The following RUNX1 variants were observed in gnomAD, a reference collection of about 807,000 sequenced individuals.
The protein encoded by RUNX1 is RUNX family transcription factor 1, also known as runt-related transcription factor 1.
Under a neutral mutation model 42.8 loss-of-function variants are expected in RUNX1, and 19 were observed. The ratio of observed to expected loss-of-function variants is 0.44; its 90% CI spans 0.31 to 0.65. The LOEUF (loss-of-function observed/expected upper bound fraction) is 0.65. Ranked by LOEUF, RUNX1 falls within the 30% of genes least tolerant of loss-of-function variation. RUNX1 has a pLI of 0.07. For synonymous variants in RUNX1, 271 were observed against 289.4 expected, an observed-to-expected ratio of 0.94 and a Z score of 0.64; for missense variants, 528 against 672.0, an observed-to-expected ratio of 0.79 and a Z score of 2.37.
At chr21:34,826,404 T>G (rs1040575589) in intron 7 of RUNX1, among the ~76,000 whole-genome samples, 4 of 151,638 alleles carry the variant, frequency 2.6e-5, no homozygotes, top group Non-Finnish European at 4.4e-5. Context: ...CAGAACCATA[T>G]GAAATAAATT....
intron 6 of RUNX1, among the ~76,000 whole-genome samples, chr21:34,835,096 G>A (rs1601417180): frequency 6.6e-6 from 1 of 152,038 alleles, no homozygotes; most frequent in Admixed American, 6.5e-5. Context: ...TAGTGGTAGG[G>A]CCCCTTCCAA....
chr21:35,033,128 C>T (rs915801414), intron 2 of RUNX1, among the ~76,000 whole-genome samples: 1 of 152,104 alleles, frequency 6.6e-6, no homozygotes, highest in Non-Finnish European at 1.5e-5. Context: ...CTGGCTCATT[C>T]ATTCATTCAT....
chr21:34,937,992 G>A (rs932569227), intron 2 of RUNX1, among the ~76,000 whole-genome samples: 2 of 152,076 alleles, frequency 1.3e-5, no homozygotes, highest in African/African-American at 2.4e-5. Context: ...TTCATTGAGG[G>A]CTTCGATAAT....
intron 2 of RUNX1, among the ~76,000 whole-genome samples, chr21:34,989,606 G>C (rs1766096018): frequency 6.6e-6 from 1 of 152,066 alleles, no homozygotes; most frequent in Admixed American, 6.6e-5. Context: ...GGGAAGCTCT[G>C]AGGATGATTC....
chr21:34,805,967 T>C (rs2056673322), intron 7 of RUNX1, among the ~76,000 whole-genome samples: 1 of 152,116 alleles, frequency 6.6e-6, no homozygotes, highest in African/African-American at 2.4e-5. Context: ...GGGCAGTAAC[T>C]AAAAACATTT....
rs535532916 is a variant in RUNX1 at position 34,792,091 on chromosome 21, G to C, written c.*44C>G. ...ACAGGAGGCCCGCGCGCCCGGAGGC[G>C]AAGGCGGCGGCCCGCGGGGCCCAGC... On this transcript the variant is annotated 3_prime_UTR_variant, in exon 9 of 9. Coordinates refer to ENST00000675419, the MANE Select transcript of RUNX1 (RefSeq NM_001754.5). This position sits in a 1 kb window ranked among gnomAD's most constrained non-coding sequence, Gnocchi z 6.9. 0.012 allele frequency: 14,982 copies of C among 1,255,064 alleles called. 114 individuals carry two copies. Among genetic ancestry groups the C allele is most frequent in the Non-Finnish European group, 0.013 (13,079 of 982,036 alleles). The allele number at this position is 1,255,064 out of a possible 1,614,324, so 77.7% of individuals were successfully genotyped here. A position where few individuals can be genotyped will look rare whatever the true frequency, so the allele number is the denominator to read the frequency against.
intron 2 of RUNX1, among the ~76,000 whole-genome samples, chr21:34,899,549 T>C (rs2058160719): frequency 6.6e-6 from 1 of 152,204 alleles, no homozygotes; most frequent in Non-Finnish European, 1.5e-5. Context: ...TATTTTGTTA[T>C]AGCAGCCTGA....
At chr21:34,952,987 C>T (rs2058619589) in intron 2 of RUNX1, among the ~76,000 whole-genome samples, 2 of 152,224 alleles carry the variant, frequency 1.3e-5, no homozygotes, top group African/African-American at 4.8e-5. Context: ...TGCCATCACC[C>T]AGCTGCCCTT....
intron 6 of RUNX1, among the ~76,000 whole-genome samples, chr21:34,836,468 T>C (rs1224188466): frequency 6.6e-6 from 1 of 152,230 alleles, no homozygotes; most frequent in Non-Finnish European, 1.5e-5. Flanking sequence ...ATCTCTGCCA[T>C]AGATCCTTGG....
chr21:34,878,806 A>AT (rs538923429), intron 5 of RUNX1, among the ~76,000 whole-genome samples: 30 of 152,180 alleles, frequency 2.0e-4, no homozygotes, highest in Admixed American at 1.7e-3. Flanking sequence ...TCAAAATCTC[A>AT]TTTTTTTATT....
chr21:34,929,626 C>T lies in RUNX1; in HGVS notation c.59-36663G>A, dbSNP rs115638477. 7.9e-3 allele frequency among the ~76,000 whole-genome samples: 1,197 copies of T among 152,092 alleles called. 8 individuals carry two copies. Among genetic ancestry groups the T allele is most frequent in the African/African-American group, 0.02 (826 of 41,472 alleles). ...ACTGGCACTGGTTTTGAATAAAATA[C>T]CAGTGAGGAAAATTTTTAAAATACT... On this transcript the variant is annotated intron_variant, in intron 2 of 8. Coordinates refer to ENST00000675419, the MANE Select transcript of RUNX1 (RefSeq NM_001754.5).
chr21:34,862,576 C>A (rs1038540837), intron 5 of RUNX1, among the ~76,000 whole-genome samples: 3 of 152,156 alleles, frequency 2.0e-5, no homozygotes, highest in Non-Finnish European at 4.4e-5. Flanking sequence ...CGGATGGTGG[C>A]CAGCATTTCT....
intron 2 of RUNX1, among the ~76,000 whole-genome samples, chr21:34,960,394 G>A (rs2058674009): frequency 2.0e-5 from 3 of 152,202 alleles, no homozygotes; most frequent in Non-Finnish European, 1.5e-5. Flanking sequence ...CCTGCTGACT[G>A]GGTGCAGACC....
chr21:34,880,847 T>C, intron 4 of RUNX1, 134 bp from the exon 5 acceptor site: 1 of 909,184 alleles, frequency 1.1e-6, no homozygotes, highest in Non-Finnish European at 1.7e-6. Flanking sequence ...GGAATAGCAA[T>C]GATAACTTAA....
At chr21:34,906,767 A>C (rs1305866332) in intron 2 of RUNX1, among the ~76,000 whole-genome samples, 1 of 152,182 alleles carries the variant, frequency 6.6e-6, no homozygotes, top group Non-Finnish European at 1.5e-5. Flanking sequence ...GTTAAAGGGG[A>C]TTTGCAAACA....
intron 7 of RUNX1, among the ~76,000 whole-genome samples, chr21:34,804,741 A>C (rs1046256385): frequency 1.6e-5 from 2 of 128,180 alleles, no homozygotes; most frequent in Admixed American, 8.6e-5. Flanking sequence ...GGAGATGGAA[A>C]CTTTTTTTTT....
At chr21:35,016,614 C>A (rs2146930162) in intron 2 of RUNX1, among the ~76,000 whole-genome samples, 1 of 152,166 alleles carries the variant, frequency 6.6e-6, no homozygotes, top group African/African-American at 2.4e-5. Context: ...CCTTCTTCTG[C>A]CTGAGGGGAC....
chr21:35,033,787 T>A (rs1162984917), intron 2 of RUNX1, among the ~76,000 whole-genome samples: 2 of 152,220 alleles, frequency 1.3e-5, no homozygotes, highest in African/African-American at 4.8e-5. Flanking sequence ...TTAGGTTACT[T>A]TCCTCCTAGA....
chr21:34,888,509 A>G (rs2058030678), intron 3 of RUNX1: 2 of 1,066,080 alleles, frequency 1.9e-6, no homozygotes, highest in African/African-American at 3.3e-5. Context: ...GAAAAACAAA[A>G]AAAAACAACA....
Sources: gnomAD v4.1 joint callset for allele counts (sites outside exome capture counted in the v4.1 genomes callset) on GRCh38, gnomAD v4.1.1 for gene constraint, Gnocchi (gnomAD v3.1) non-coding constraint, MANE v1.5 for transcripts, NCBI Gene and HGNC (gene_info 2026-07-23, HGNC 2026-07-21) for gene names.